Variants in SLC9A2 observed in about 807,000 individuals in gnomAD.
SLC9A2 encodes sodium/hydrogen exchanger 2.
In SLC9A2, 42 loss-of-function variants were observed where a neutral mutation model predicts 71.7. The ratio of observed to expected loss-of-function variants is 0.59; its 90% CI spans 0.46 to 0.76. The LOEUF is 0.76. Among genes scored for constraint, SLC9A2 ranks in the 30% least tolerant of loss-of-function variants. SLC9A2 has a pLI of 0.00. For missense variants in SLC9A2, 829 were observed against 1,017.4 expected (o/e 0.81, Z 2.52); for synonymous variants, 396 against 392.5 (o/e 1.01, Z -0.10).
chr2:102,661,302 T>C (rs1318516740), intron 2 of SLC9A2, among the ~76,000 whole-genome samples: 1 of 152,148 alleles, frequency 6.6e-6, no homozygotes, highest in African/African-American at 2.4e-5. Flanking sequence ...TAACCGGGCT[T>C]GGTTAAGGAG....
Position 102,626,585 on chromosome 2 carries a change from A to G in SLC9A2, c.289+6448A>G, listed in dbSNP as rs533664363. 3.3e-5 allele frequency among the ~76,000 whole-genome samples: 5 copies of G among 152,354 alleles called. No homozygotes were observed. In the South Asian group the frequency reaches 1.0e-3, roughly 32 times the overall value. ...AAATTGACAAATGGGATCTAATTAA[A>G]CTAAAGAGCTTCTGCACAGCAAAAT... On this transcript the variant is annotated intron_variant, in intron 1 of 11. Coordinates refer to ENST00000233969, the MANE Select transcript of SLC9A2 (RefSeq NM_003048.6).
At chr2:102,675,513 C>T (rs185121438) in intron 3 of SLC9A2, among the ~76,000 whole-genome samples, 13 of 152,212 alleles carry the variant, frequency 8.5e-5, no homozygotes, top group Admixed American at 4.6e-4. Context: ...CTGTAGGTCA[C>T]GGCTCCAGTC....
At chr2:102,623,163 T>C (rs1225376160) in intron 1 of SLC9A2, among the ~76,000 whole-genome samples, 1 of 152,110 alleles carries the variant, frequency 6.6e-6, no homozygotes, top group African/African-American at 2.4e-5. Context: ...TCATCACATA[T>C]TGCACCTCCT....
chr2:102,682,166 T>C (rs1262524795), intron 3 of SLC9A2, among the ~76,000 whole-genome samples: 5 of 152,212 alleles, frequency 3.3e-5, no homozygotes, highest in Non-Finnish European at 7.4e-5. Context: ...TCCTGTTTCA[T>C]TCTACAGGAC....
chr2:102,639,303 A>G (rs1170656419), intron 1 of SLC9A2, among the ~76,000 whole-genome samples: 1 of 152,248 alleles, frequency 6.6e-6, no homozygotes, highest in Non-Finnish European at 1.5e-5. Context: ...ACATTTTGCT[A>G]TGAGTGTTTT....
chr2:102,634,421 C>T (rs1676429187), intron 1 of SLC9A2, among the ~76,000 whole-genome samples: 1 of 152,186 alleles, frequency 6.6e-6, no homozygotes, highest in Non-Finnish European at 1.5e-5. Context: ...AAAATGAGCT[C>T]ATAGTAGCAG....
intron 4 of SLC9A2, 32 bp from the exon 5 acceptor site, chr2:102,684,102 T>C (rs1322360366): frequency 1.3e-6 from 2 of 1,564,862 alleles, no homozygotes. Flanking sequence ...CCTCACCCAG[T>C]CTGTTTCCTC....
At chr2:102,691,590 A>G (rs1266749408) in intron 5 of SLC9A2, among the ~76,000 whole-genome samples, 1 of 152,222 alleles carries the variant, frequency 6.6e-6, no homozygotes, top group African/African-American at 2.4e-5. Context: ...GCTTTCATCA[A>G]ATAATTCTTA....
intron 1 of SLC9A2, among the ~76,000 whole-genome samples, chr2:102,652,925 T>C (rs771426442): frequency 1.3e-5 from 2 of 152,238 alleles, no homozygotes; most frequent in African/African-American, 2.4e-5. Context: ...CAAGAAATAC[T>C]TGGGGGAGGA....
intron 1 of SLC9A2, among the ~76,000 whole-genome samples, chr2:102,632,041 TAC>T (rs1463699292): frequency 0.077 from 7,019 of 90,846 alleles, 1,146 homozygotes; most frequent in African/African-American, 0.3. Flanking sequence ...TATATATACA[TAC>T]ACACACACAT....
At chr2:102,620,268 G>C in intron 1 of SLC9A2, 131 bp downstream of exon 1, 1 of 720,958 alleles carries the variant, frequency 1.4e-6, no homozygotes, top group Non-Finnish European at 2.2e-6. Flanking sequence ...ACGACAGATG[G>C]AGCAGCTTCT....
At chr2:102,639,262 A>G (rs1676527148) in intron 1 of SLC9A2, among the ~76,000 whole-genome samples, 1 of 152,260 alleles carries the variant, frequency 6.6e-6, no homozygotes, top group African/African-American at 2.4e-5. Context: ...TTAATAGGCT[A>G]TCATTCACTC....
intron 1 of SLC9A2, among the ~76,000 whole-genome samples, chr2:102,642,434 GTT>G (rs66536273): frequency 1.7e-4 from 26 of 150,924 alleles, no homozygotes; most frequent in Admixed American, 3.3e-4. Flanking sequence ...TAATCGTGTG[GTT>G]TTTTTTTTCT....
At chr2:102,653,598 G>A (rs977246723) in intron 1 of SLC9A2, among the ~76,000 whole-genome samples, 1 of 152,172 alleles carries the variant, frequency 6.6e-6, no homozygotes. Flanking sequence ...AGCAGTTTCT[G>A]TTCCTTCCTT....
At chr2:102,645,074 C>T (rs563881894) in intron 1 of SLC9A2, among the ~76,000 whole-genome samples, 8 of 152,250 alleles carry the variant, frequency 5.3e-5, no homozygotes, top group African/African-American at 7.2e-5. Context: ...GGTGGCTGCC[C>T]CTCTGGGACA....
rs61336100 is a variant in SLC9A2, at chr2:102,679,385, ATT to A, written c.1005-3863_1005-3862del. On this transcript the variant is annotated intron_variant, in intron 3 of 11. Transcript: ENST00000233969. ...TACACCAAAGCTATATATATATATAATTTTTTTTTTTTTTGAGATGGAGTCTT... is the reference window on the plus strand; with the variant it reads ...TACACCAAAGCTATATATATATATAATTTTTTTTTTTTGAGATGGAGTCTT... 2.6e-4 allele frequency among the ~76,000 whole-genome samples: 19 copies of A among 74,416 alleles called. 1 individual carries two copies. The South Asian group carries it at 0.011, about 45-fold the overall frequency. The allele number at this position is 74,416 out of a possible 152,430, so 48.8% of individuals were successfully genotyped here.
intron 1 of SLC9A2, among the ~76,000 whole-genome samples, chr2:102,647,882 G>C (rs750632739): frequency 1.3e-5 from 2 of 152,116 alleles, no homozygotes; most frequent in African/African-American, 2.4e-5. Context: ...CCCAGGACCA[G>C]TCGGATTCAC....
chr2:102,683,483 T>G lies in SLC9A2; in HGVS notation c.1222+5T>G, dbSNP rs1227742897. The G allele has an allele frequency of 6.2e-7, 1 of 1,611,530 alleles. No individual in the cohort carries two copies. Among genetic ancestry groups the G allele is most frequent in the Admixed American group, 1.7e-5 (1 of 59,992 alleles). On this transcript the variant is annotated splice_donor_5th_base_variant and intron_variant, in intron 4 of 11. Transcript: ENST00000233969. Reference sequence around the variant, plus strand: ...GCCTCATGTGGCGAGCCCTGGGTAATGAGTGCTTGTTTGCTAACTGGACAT... The same window carrying G: ...GCCTCATGTGGCGAGCCCTGGGTAAGGAGTGCTTGTTTGCTAACTGGACAT...
At chr2:102,633,144 G>A (rs76009771) in intron 1 of SLC9A2, among the ~76,000 whole-genome samples, 3,116 of 152,228 alleles carry the variant, frequency 0.02, 113 homozygotes, top group African/African-American at 0.07. Context: ...TGAGCCAAGC[G>A]CTTTACATTC....
Sources: allele counts gnomAD v4.1 joint callset (sites outside exome capture counted in the v4.1 genomes callset), GRCh38; gene constraint gnomAD v4.1.1; transcripts MANE v1.5; gene names NCBI Gene and HGNC (gene_info 2026-07-23, HGNC 2026-07-21).